Variants in PRKG1 observed in about 807,000 individuals in gnomAD.
PRKG1 encodes the protein protein kinase cGMP-dependent 1.
A neutral mutation model predicts 88.1 loss-of-function variants in PRKG1; 35 were observed. The observed-to-expected ratio is 0.40, with a 90% CI of 0.30 to 0.53. The LOEUF (loss-of-function observed/expected upper bound fraction) is 0.53. Ranked by LOEUF, PRKG1 falls within the 20% of genes least tolerant of loss-of-function variation. The pLI, the probability that PRKG1 is intolerant of heterozygous loss-of-function variation, is 0.59. For synonymous variants in PRKG1, 303 were observed against 292.5 expected, an observed-to-expected ratio of 1.04 and a Z score of -0.37; for missense variants, 540 against 839.8, an observed-to-expected ratio of 0.64 and a Z score of 4.41.
At chr10:51,339,839 A>G (rs1279339945) in intron 2 of PRKG1, among the ~76,000 whole-genome samples, 1 of 151,968 alleles carries the variant, frequency 6.6e-6, no homozygotes, top group African/African-American at 2.4e-5. Context: ...ACAGTTTTTT[A>G]CTTTTTAAAA....
intron 3 of PRKG1, among the ~76,000 whole-genome samples, chr10:51,629,020 G>C (rs535716266): frequency 1.3e-5 from 2 of 152,118 alleles, no homozygotes; most frequent in East Asian, 3.9e-4. Flanking sequence ...ATGTTAGTGA[G>C]CCACAGAATC....
At chr10:51,164,912 C>A (rs1242412263) in intron 2 of PRKG1, among the ~76,000 whole-genome samples, 5 of 152,182 alleles carry the variant, frequency 3.3e-5, no homozygotes, top group African/African-American at 1.2e-4. Context: ...AAGACCAAAT[C>A]TACGTCTGAT....
At chr10:51,466,600 A>G (rs1237748034) in intron 2 of PRKG1, among the ~76,000 whole-genome samples, 1 of 152,048 alleles carries the variant, frequency 6.6e-6, no homozygotes, top group Admixed American at 6.6e-5. Context: ...TTTTATCTCC[A>G]TAGTATTTGA....
intron 9 of PRKG1, among the ~76,000 whole-genome samples, chr10:52,229,388 C>T (rs779488183): frequency 2.0e-4 from 30 of 152,190 alleles, no homozygotes; most frequent in Non-Finnish European, 2.9e-4. Context: ...CAATGATATC[C>T]TCTGTACCTC....
At chr10:51,329,104 A>G (rs1396387210) in intron 2 of PRKG1, among the ~76,000 whole-genome samples, 3 of 152,048 alleles carry the variant, frequency 2.0e-5, no homozygotes, top group Non-Finnish European at 4.4e-5. Context: ...TTTTGTTGCC[A>G]TTGCCTTTGG....
At chr10:51,419,096 C>A (rs1329341560) in intron 2 of PRKG1, among the ~76,000 whole-genome samples, 1 of 152,042 alleles carries the variant, frequency 6.6e-6, no homozygotes, top group Non-Finnish European at 1.5e-5. Context: ...CTTACTTTTG[C>A]AATTTGATCC....
intron 4 of PRKG1, among the ~76,000 whole-genome samples, chr10:51,868,652 C>T (rs1396613664): frequency 6.6e-6 from 1 of 152,012 alleles, no homozygotes; most frequent in Non-Finnish European, 1.5e-5. Flanking sequence ...CCTAAAGATT[C>T]TTCTTTGTGC....
At chr10:51,817,244 C>T (rs956238787) in intron 4 of PRKG1, among the ~76,000 whole-genome samples, 8 of 151,924 alleles carry the variant, frequency 5.3e-5, no homozygotes, top group Admixed American at 6.6e-5. Flanking sequence ...ATGTGCAGAA[C>T]GTGCAGGTTT....
intron 4 of PRKG1, among the ~76,000 whole-genome samples, chr10:51,899,937 G>A (rs1049350034): frequency 4.6e-5 from 7 of 151,848 alleles, no homozygotes; most frequent in Non-Finnish European, 1.0e-4. Context: ...TTGTTTAAAA[G>A]AGCCTGGCAC....
chr10:51,953,017 T>C (rs1843221430), intron 5 of PRKG1, among the ~76,000 whole-genome samples: 1 of 152,214 alleles, frequency 6.6e-6, no homozygotes, highest in South Asian at 2.1e-4. Context: ...TTCTTCTAAA[T>C]GCCCTTTGCT....
At chr10:51,815,242 C>A (rs1296027195) in intron 4 of PRKG1, among the ~76,000 whole-genome samples, 1 of 152,150 alleles carries the variant, frequency 6.6e-6, no homozygotes, top group Non-Finnish European at 1.5e-5. Flanking sequence ...TGTAGTAAGG[C>A]TTATTTTATT....
intron 3 of PRKG1, among the ~76,000 whole-genome samples, chr10:51,690,186 C>G (rs1415917902): frequency 6.6e-6 from 1 of 152,094 alleles, no homozygotes; most frequent in Non-Finnish European, 1.5e-5. Context: ...TGAGAACTCA[C>G]TCACTAATAA....
At chr10:51,899,879 C>T (rs1158988841) in intron 4 of PRKG1, among the ~76,000 whole-genome samples, 2 of 151,468 alleles carry the variant, frequency 1.3e-5, no homozygotes, top group African/African-American at 4.9e-5. Context: ...AGTGCCATGC[C>T]CTTGGTGATG....
At chr10:51,337,209 T>C (rs181957109) in intron 2 of PRKG1, among the ~76,000 whole-genome samples, 24 of 152,360 alleles carry the variant, frequency 1.6e-4, no homozygotes, top group African/African-American at 5.0e-4. Flanking sequence ...GCTAGTCATA[T>C]GCAGAAAACT....
intron 3 of PRKG1, among the ~76,000 whole-genome samples, chr10:51,781,446 T>C (rs1206599201): frequency 6.6e-6 from 1 of 152,166 alleles, no homozygotes; most frequent in Non-Finnish European, 1.5e-5. Context: ...TTATCCCAGA[T>C]TACCTTTTTA....
intron 3 of PRKG1, among the ~76,000 whole-genome samples, chr10:51,743,886 G>A (rs1352200971): frequency 1.3e-5 from 2 of 149,788 alleles, no homozygotes; most frequent in African/African-American, 4.9e-5. Flanking sequence ...TTAAATATTC[G>A]GCTGAATACA....
intron 2 of PRKG1, among the ~76,000 whole-genome samples, chr10:51,231,154 T>C (rs1456247559): frequency 6.6e-6 from 1 of 152,180 alleles, no homozygotes; most frequent in Non-Finnish European, 1.5e-5. Flanking sequence ...AAGCCTAGAT[T>C]ACAGCAAACA....
intron 5 of PRKG1, among the ~76,000 whole-genome samples, chr10:52,051,737 G>A (rs947138177): frequency 2.0e-5 from 3 of 152,228 alleles, no homozygotes; most frequent in Non-Finnish European, 4.4e-5. Flanking sequence ...CTATTGTGAA[G>A]AGAAGGGCCT....
intron 1 of PRKG1, among the ~76,000 whole-genome samples, chr10:51,044,819 T>A (rs1353681391): frequency 6.6e-6 from 1 of 152,186 alleles, no homozygotes; most frequent in East Asian, 1.9e-4. Context: ...AAGAAAATCC[T>A]AAATTGTTTT....
Sources: gnomAD v4.1 joint callset for allele counts (sites outside exome capture counted in the v4.1 genomes callset) on GRCh38, gnomAD v4.1.1 for gene constraint, MANE v1.5 for transcripts, NCBI Gene and HGNC (gene_info 2026-07-23, HGNC 2026-07-21) for gene names.